Variants in TSHZ2 observed in about 807,000 individuals in gnomAD.
The protein encoded by TSHZ2 is teashirt homolog 2.
TSHZ2 carries 21 observed loss-of-function variants against 74.4 expected under a neutral mutation model. That is an observed-to-expected ratio of 0.28 (90% CI 0.20 to 0.41). The LOEUF (loss-of-function observed/expected upper bound fraction) is 0.41. Among genes scored for constraint, TSHZ2 ranks in the 10% least tolerant of loss-of-function variants. The pLI is 1.00. For synonymous variants in TSHZ2, 540 were observed against 515.3 expected (o/e 1.05, Z -0.65); for missense variants, 1,244 against 1,293.5 (o/e 0.96, Z 0.59).
chr20:53,432,721 A>C (rs1193162556), intron 2 of TSHZ2, among the ~76,000 whole-genome samples: 1 of 152,204 alleles, frequency 6.6e-6, no homozygotes, highest in Non-Finnish European at 1.5e-5. Flanking sequence ...GGGAAAAGCA[A>C]ATTAAAACCA....
chr20:53,418,209 G>A (rs1481762904), intron 2 of TSHZ2, among the ~76,000 whole-genome samples: 1 of 152,112 alleles, frequency 6.6e-6, no homozygotes, highest in Non-Finnish European at 1.5e-5. Context: ...CCCCATTCCA[G>A]GTTTTCCATC....
At chr20:53,005,626 G>A (rs929500079) in intron 1 of TSHZ2, among the ~76,000 whole-genome samples, 2 of 152,154 alleles carry the variant, frequency 1.3e-5, no homozygotes, top group African/African-American at 4.8e-5. Flanking sequence ...GATCATTCTC[G>A]ATCTGTCCTA....
intron 1 of TSHZ2, among the ~76,000 whole-genome samples, chr20:53,216,806 A>G (rs55647550): frequency 1.5e-4 from 23 of 152,220 alleles, no homozygotes; most frequent in African/African-American, 5.3e-4. Context: ...ACTTGCTCCA[A>G]TTTGTCTACA....
chr20:53,013,059 A>G (rs566449360), intron 1 of TSHZ2, among the ~76,000 whole-genome samples: 1 of 152,252 alleles, frequency 6.6e-6, no homozygotes, highest in South Asian at 2.1e-4. Flanking sequence ...AAAATTCACT[A>G]TATTTTCTTC....
intron 2 of TSHZ2, among the ~76,000 whole-genome samples, chr20:53,285,917 A>T (rs565949573): frequency 3.5e-4 from 53 of 152,308 alleles, no homozygotes; most frequent in Middle Eastern, 3.4e-3. Context: ...CTGTAGCATC[A>T]GGGAGTAGGA....
At chr20:53,114,637 T>A (rs572309467) in intron 1 of TSHZ2, among the ~76,000 whole-genome samples, 1 of 151,742 alleles carries the variant, frequency 6.6e-6, no homozygotes, top group South Asian at 2.1e-4. Flanking sequence ...GTTGGTGCTG[T>A]GACCTCTTTC....
chr20:53,338,662 C>A (rs909943273), intron 2 of TSHZ2, among the ~76,000 whole-genome samples: 3 of 152,102 alleles, frequency 2.0e-5, no homozygotes, highest in African/African-American at 7.2e-5. Context: ...CCTGGGACAG[C>A]CCACCCCCTA....
rs953742654 is a variant in TSHZ2, at chr20:53,253,955, T to C, written c.497T>C (p.Phe166Ser). Reference protein sequence around the residue: ...DTRNGSNKSDFDWHQDALSKS... With the variant: ...DTRNGSNKSDSDWHQDALSKS... ...CGAAACGGCAGCAACAAGAGTGATTTTGATTGGCACCAAGACGCTCTGTCC... is the reference window on the plus strand; with the variant it reads ...CGAAACGGCAGCAACAAGAGTGATTCTGATTGGCACCAAGACGCTCTGTCC... The change falls in exon 2 of 3, where the codon TTT (phenylalanine) becomes TCT (serine). Residue 166 changes from phenylalanine (F) to serine (S), a missense_variant. Physicochemically the swap from Phe to Ser is radical, Grantham distance 155. Coordinates refer to ENST00000371497, the MANE Select transcript of TSHZ2 (RefSeq NM_173485.6). 1.1e-5 allele frequency: 17 copies of C among 1,614,108 alleles called. No homozygotes were observed. The highest frequency in any genetic ancestry group is 1.6e-4 in the Middle Eastern group (1 of 6,062).
intron 1 of TSHZ2, among the ~76,000 whole-genome samples, chr20:53,059,721 T>C (rs1245592395): frequency 2.0e-5 from 3 of 152,236 alleles, no homozygotes; most frequent in African/African-American, 7.2e-5. Context: ...ACTTATTTTG[T>C]TTCACGTTCC....
chr20:53,159,553 A>G (rs1987877681), intron 1 of TSHZ2, among the ~76,000 whole-genome samples: 1 of 152,200 alleles, frequency 6.6e-6, no homozygotes, highest in South Asian at 2.1e-4. Context: ...GTTATAGTTC[A>G]TGGAACACAC....
chr20:53,174,035 G>A (rs1169493955), intron 1 of TSHZ2, among the ~76,000 whole-genome samples: 1 of 152,162 alleles, frequency 6.6e-6, no homozygotes, highest in African/African-American at 2.4e-5. Context: ...CCTGACCACA[G>A]GGAAATTCAG....
At chr20:52,986,401 CAA>C (rs34991984) in intron 1 of TSHZ2, among the ~76,000 whole-genome samples, 1,541 of 120,728 alleles carry the variant, frequency 0.013, 38 homozygotes, top group African/African-American at 0.045. Flanking sequence ...AAGAATCCAT[CAA>C]AAAAAAAAAA....
rs942642109 is a variant in TSHZ2, at chr20:53,074,136, T to C, written c.40+100803T>C. 2.0e-5 allele frequency among the ~76,000 whole-genome samples: 3 copies of C among 152,244 alleles called. No homozygotes were observed. The highest frequency in any genetic ancestry group is 7.2e-5 in the African/African-American group (3 of 41,464). On this transcript the variant is annotated intron_variant, in intron 1 of 2. Transcript: ENST00000371497. This position sits in a 1 kb window ranked among gnomAD's most constrained non-coding sequence, Gnocchi z 5.9. ...TCATGACATCCTTGGTGAACTCTTA[T>C]GTATCTTTTAAACTGCTGTTCAAAT...
rs1273280801 is a variant in TSHZ2 at position 53,491,738 on chromosome 20, G to A, written c.*4603G>A. The A allele has an allele frequency of 6.6e-6, 1 of 152,154 alleles. No individual in the cohort carries two copies. Among genetic ancestry groups the A allele is most frequent in the Non-Finnish European group, 1.5e-5 (1 of 68,026 alleles). 9.4% of individuals were successfully genotyped at this position (152,154 alleles called of 1,614,324 possible). On this transcript the variant is annotated 3_prime_UTR_variant, in exon 3 of 3. Transcript: ENST00000371497. The stretch of plus-strand genomic sequence containing the variant: ...GATTAGAATAGGACTGTTTTAAAAT[G>A]CTAGTACCAGGTGGAACGCTATTTC...
At chr20:53,419,943 G>C (rs1411993273) in intron 2 of TSHZ2, among the ~76,000 whole-genome samples, 3 of 152,218 alleles carry the variant, frequency 2.0e-5, no homozygotes, top group African/African-American at 7.2e-5. Context: ...AATTATGCAA[G>C]GACCATCTGT....
intron 2 of TSHZ2, among the ~76,000 whole-genome samples, chr20:53,258,526 A>C (rs1990532495): frequency 6.6e-6 from 1 of 152,206 alleles, no homozygotes; most frequent in East Asian, 1.9e-4. Context: ...TCTTTTTTAG[A>C]AAATTAATAT....
intron 2 of TSHZ2, among the ~76,000 whole-genome samples, chr20:53,480,568 TAAAAAAA>T (rs1322529613): frequency 7.3e-6 from 1 of 136,312 alleles, no homozygotes; most frequent in Non-Finnish European, 1.6e-5. Context: ...CCCTACCTTC[TAAAAAAA>T]AAAAAAAGAA....
At chr20:53,148,229 G>A (rs1987591144) in intron 1 of TSHZ2, among the ~76,000 whole-genome samples, 1 of 152,194 alleles carries the variant, frequency 6.6e-6, no homozygotes, top group African/African-American at 2.4e-5. Context: ...GATCTCAAAT[G>A]TCTAGAACAG....
At chr20:53,443,575 G>C (rs754430118) in intron 2 of TSHZ2, among the ~76,000 whole-genome samples, 78 of 152,284 alleles carry the variant, frequency 5.1e-4, no homozygotes, top group Non-Finnish European at 9.7e-4. Flanking sequence ...AAGCTACCTA[G>C]CCTCTCCGAT....
Sources: gnomAD v4.1 joint callset for allele counts (sites outside exome capture counted in the v4.1 genomes callset) on GRCh38, gnomAD v4.1.1 for gene constraint, Gnocchi (gnomAD v3.1) non-coding constraint, MANE v1.5 for transcripts, NCBI Gene and HGNC (gene_info 2026-07-23, HGNC 2026-07-21) for gene names.